The following KCNS3 variants were observed in gnomAD, a reference collection of about 807,000 sequenced individuals.
The protein encoded by KCNS3 is potassium voltage-gated channel modifier subfamily S member 3.
KCNS3 carries 13 observed loss-of-function variants against 31.0 expected under a neutral mutation model. The ratio of observed to expected loss-of-function variants is 0.42; its 90% CI spans 0.27 to 0.67. KCNS3 has a LOEUF of 0.67. Among genes scored for constraint, KCNS3 ranks in the 30% least tolerant of loss-of-function variants. KCNS3 has a pLI of 0.25. For missense variants in KCNS3, 545 were observed against 622.4 expected (o/e 0.88, Z 1.32); for synonymous variants, 238 against 241.5 (o/e 0.99, Z 0.13).
intron 1 of KCNS3, among the ~76,000 whole-genome samples, chr2:17,884,467 G>A (rs1158789094): frequency 7.9e-5 from 12 of 151,834 alleles, no homozygotes; most frequent in Admixed American, 7.9e-4. Context: ...GTGAAGAACA[G>A]ATAGAAGAAT....
At chr2:17,887,365 T>C (rs549135198) in intron 1 of KCNS3, among the ~76,000 whole-genome samples, 106 of 152,244 alleles carry the variant, frequency 7.0e-4, no homozygotes, top group African/African-American at 2.3e-3. Flanking sequence ...GAACATACGA[T>C]GTTTGATTTT....
chr2:17,881,767 G>A (rs369733129), intron 1 of KCNS3, among the ~76,000 whole-genome samples: 4 of 152,062 alleles, frequency 2.6e-5, no homozygotes, highest in Admixed American at 1.3e-4. Context: ...GTGGGATCTC[G>A]GACTACATTT....
At chr2:17,888,743 T>C (rs948197527) in intron 1 of KCNS3, among the ~76,000 whole-genome samples, 2 of 149,400 alleles carry the variant, frequency 1.3e-5, no homozygotes, top group Non-Finnish European at 3.0e-5. Flanking sequence ...GCTGTAAGTA[T>C]TTGGGTTTAT....
intron 1 of KCNS3, among the ~76,000 whole-genome samples, chr2:17,890,671 T>C (rs992924488): frequency 6.6e-6 from 1 of 152,224 alleles, no homozygotes; most frequent in African/African-American, 2.4e-5. Flanking sequence ...TCCATCTTGA[T>C]TTCATTTTTG....
intron 1 of KCNS3, among the ~76,000 whole-genome samples, chr2:17,909,610 C>T (rs923604355): frequency 7.9e-5 from 12 of 152,172 alleles, no homozygotes; most frequent in East Asian, 3.9e-4. Flanking sequence ...TGCCCCACCT[C>T]GGGTTATTGA....
chr2:17,919,526 T>G (rs1054085195), intron 2 of KCNS3: 1 of 152,192 alleles, frequency 6.6e-6, no homozygotes, highest in Non-Finnish European at 1.5e-5. Flanking sequence ...TTTTTGCTAG[T>G]TGATGCTGAT....
intron 1 of KCNS3, among the ~76,000 whole-genome samples, chr2:17,888,639 A>ATATATATATATC (rs1661758400): frequency 2.7e-5 from 2 of 75,326 alleles, no homozygotes; most frequent in South Asian, 4.0e-4. Flanking sequence ...GTATATATAT[A>ATATATATATATC]TATATATATA....
At position 17,932,163 on chromosome 2, in the gene KCNS3, C is replaced by T. The variant is rs1185849583; in HGVS notation, c.1155C>T (p.Leu385=). 4.3e-6 allele frequency: 7 copies of T among 1,613,888 alleles called. No individual in the cohort carries two copies. The highest frequency in any genetic ancestry group is 3.3e-5 in the South Asian group (3 of 91,040). Residue 385 remains leucine, a synonymous_variant, in exon 3 of 3, where the codon CTC becomes CTT. Transcript: ENST00000304101. ...ACCCGGTCACCTTGGCGGGAAAGCTCATCGCCAGCACATGCATCATCTGTG... is the reference window on the plus strand; with the variant it reads ...ACCCGGTCACCTTGGCGGGAAAGCTTATCGCCAGCACATGCATCATCTGTG... ...DTHPVTLAGK[L]IASTCIICGI...
At chr2:17,888,680 A>T in intron 1 of KCNS3, among the ~76,000 whole-genome samples, 1 of 110,844 alleles carries the variant, frequency 9.0e-6, no homozygotes, top group South Asian at 3.3e-4. Context: ...TATAAAGAAA[A>T]GGGTGTTCTT....
chr2:17,916,250 C>T (rs983487277), intron 1 of KCNS3, among the ~76,000 whole-genome samples: 8 of 152,110 alleles, frequency 5.3e-5, no homozygotes, highest in Admixed American at 5.2e-4. Context: ...GTGCTATATC[C>T]TTTTACCAAG....
intron 2 of KCNS3, among the ~76,000 whole-genome samples, chr2:17,927,196 T>A (rs1662858272): frequency 6.6e-6 from 1 of 152,142 alleles, no homozygotes. Flanking sequence ...TTGTTCCAGG[T>A]CCCAATCAGT....
intron 2 of KCNS3, chr2:17,919,560 T>C (rs971227040): frequency 2.1e-4 from 32 of 152,210 alleles, no homozygotes; most frequent in African/African-American, 7.2e-4. Flanking sequence ...TAAGAGGACA[T>C]GCTGTTTTTG....
chr2:17,929,304 G>C (rs1190542899), intron 2 of KCNS3, among the ~76,000 whole-genome samples: 1 of 152,214 alleles, frequency 6.6e-6, no homozygotes, highest in Non-Finnish European at 1.5e-5. Flanking sequence ...GGCTGTACAG[G>C]AGGCATGGCT....
At chr2:17,914,400 T>C (rs890229976) in intron 1 of KCNS3, among the ~76,000 whole-genome samples, 1 of 152,114 alleles carries the variant, frequency 6.6e-6, no homozygotes, top group Non-Finnish European at 1.5e-5. Context: ...GGTCTTGACA[T>C]TCAAAACCCC....
chr2:17,887,484 GATCTATCT>G lies in KCNS3; in HGVS notation c.-252+8719_-252+8726del, dbSNP rs55654719. ...ATGGCTGCGTTGTATTCTATCATAT[GATCTATCT>G]ATCTATCTATCTATCTATCTATCTA... On this transcript the variant is annotated intron_variant, in intron 1 of 2. Transcript: ENST00000304101. Among the ~76,000 whole-genome samples, 340 of 146,358 alleles carry G rather than the reference GATCTATCT, an allele frequency of 2.3e-3. 1 individual carries two copies. The highest frequency in any genetic ancestry group is 6.9e-3 in the Middle Eastern group (2 of 288).
Position 17,910,219 on chromosome 2 carries a change from AG to A in KCNS3, c.-251-7460del, listed in dbSNP as rs566819056. ...AGGTCTATAACTACTGTGATTCCAA[AG>A]TAATAATGAGTATAAATGATATTTT... On this transcript the variant is annotated intron_variant, in intron 1 of 2. Transcript: ENST00000304101. Among the ~76,000 whole-genome samples the A allele has an allele frequency of 2.1e-3, 323 of 152,354 alleles. 1 individual carries two copies. The highest frequency in any genetic ancestry group is 3.7e-3 in the Non-Finnish European group (254 of 68,038).
intron 1 of KCNS3, among the ~76,000 whole-genome samples, chr2:17,887,377 C>G (rs945646180): frequency 3.9e-5 from 6 of 152,082 alleles, no homozygotes; most frequent in African/African-American, 1.4e-4. Context: ...TTTGATTTTT[C>G]CATTCCTGAG....
At chr2:17,914,401 T>A (rs943209391) in intron 1 of KCNS3, among the ~76,000 whole-genome samples, 10 of 152,138 alleles carry the variant, frequency 6.6e-5, no homozygotes, top group Non-Finnish European at 1.5e-4. Flanking sequence ...GTCTTGACAT[T>A]CAAAACCCCA....
chr2:17,881,319 G>T (rs1436516906), intron 1 of KCNS3, among the ~76,000 whole-genome samples: 1 of 152,202 alleles, frequency 6.6e-6, no homozygotes, highest in Non-Finnish European at 1.5e-5. Context: ...CTTCCAGAGT[G>T]CCACCTGTGT....
Sources: gnomAD v4.1 joint callset for allele counts (sites outside exome capture counted in the v4.1 genomes callset) on GRCh38, gnomAD v4.1.1 for gene constraint, MANE v1.5 for transcripts, NCBI Gene and HGNC (gene_info 2026-07-23, HGNC 2026-07-21) for gene names.